Variants in ZNF782 observed in about 807,000 individuals in gnomAD.
ZNF782 encodes the protein zinc finger protein 782.
ZNF782 carries 12 observed loss-of-function variants against 13.0 expected under a neutral mutation model. That is an observed-to-expected ratio of 0.92 (90% confidence interval 0.59 to 1.50). The LOEUF (loss-of-function observed/expected upper bound fraction) is 1.50, where lower values mean the gene tolerates loss of function less well. ZNF782 is among the 40% of genes most tolerant of loss of function. ZNF782 has a pLI of 0.00. For synonymous variants in ZNF782, 284 were observed against 283.0 expected (o/e 1.00, Z -0.04); for missense variants, 770 against 822.9 (o/e 0.94, Z 0.79).
At position 96,819,521 on chromosome 9, in the gene ZNF782, A is replaced by G; in HGVS notation, c.502T>C (p.Cys168Arg). The G allele has an allele frequency of 6.2e-7, 1 of 1,613,108 alleles. No homozygotes were observed. Residue 168 changes from cysteine (C) to arginine (R), a missense_variant, in exon 6 of 6, where the codon TGT becomes CGT. Coordinates refer to ENST00000481138, the MANE Select transcript of ZNF782 (RefSeq NM_001001662.3). ...TTAATACTGATGAGCCATTTGTCAC[A>G]AACATTACGCTCATGAGCCTTTTCT... is the stretch of plus-strand genomic sequence containing the variant. ...SKEKAHERNV[C>R]DKWLISIKDG...
At chr9:96,883,515 A>G in the ZNF782 span, among the ~76,000 whole-genome samples, 85 of 152,210 alleles carry the variant, frequency 5.6e-4, no homozygotes, top group African/African-American at 2.0e-3. Flanking sequence ...CAGAGAGAGA[A>G]GGTTTAGACT....
the ZNF782 span, chr9:96,895,372 C>T: frequency 1.3e-5 from 2 of 152,138 alleles, no homozygotes; most frequent in East Asian, 1.9e-4. Context: ...CTTATCTGTT[C>T]TGTATAAAAA....
At chr9:96,896,422 G>C in the ZNF782 span, among the ~76,000 whole-genome samples, 1 of 152,154 alleles carries the variant, frequency 6.6e-6, no homozygotes, top group Admixed American at 6.5e-5. Flanking sequence ...GTAAGAAGTA[G>C]CAACTATTCT....
At chr9:96,909,597 T>C in the ZNF782 span, among the ~76,000 whole-genome samples, 21 of 151,466 alleles carry the variant, frequency 1.4e-4, no homozygotes, top group Admixed American at 5.9e-4. Flanking sequence ...TTCCTTCTCC[T>C]TTCCAGGTCT....
At chr9:96,907,150 G>A in the ZNF782 span, among the ~76,000 whole-genome samples, 3 of 151,952 alleles carry the variant, frequency 2.0e-5, no homozygotes, top group South Asian at 6.2e-4. Flanking sequence ...TAAACAAGAT[G>A]TTGTATACAC....
the ZNF782 span, among the ~76,000 whole-genome samples, chr9:96,927,579 GT>G: frequency 6.6e-6 from 1 of 152,174 alleles, no homozygotes; most frequent in Non-Finnish European, 1.5e-5. Flanking sequence ...ACAGTGGAGA[GT>G]TAACAATAAT....
rs978862617 is a variant in ZNF782 at position 96,850,868 on chromosome 9, C to A, written c.15+1079G>T. Among the ~76,000 whole-genome samples the A allele has an allele frequency of 2.0e-5, 3 of 152,058 alleles. No individual in the cohort carries two copies. The East Asian group carries it at 5.8e-4, about 29-fold the overall frequency. The stretch of plus-strand genomic sequence containing the variant: ...ACGTTTTGTATTAAAATTGAAAAAT[C>A]TTTCCAGTTTTAGTAAACATACAAT... On this transcript the variant is annotated intron_variant, in intron 3 of 5. Coordinates refer to ENST00000481138, the MANE Select transcript of ZNF782 (RefSeq NM_001001662.3). This position sits in a 1 kb window ranked among gnomAD's most constrained non-coding sequence, Gnocchi z 4.3.
chr9:96,886,526 A>G, the ZNF782 span, among the ~76,000 whole-genome samples: 155 of 152,326 alleles, frequency 1.0e-3, no homozygotes, highest in Non-Finnish European at 1.7e-3. Flanking sequence ...AAACCACACT[A>G]GAATTGGTTA....
chr9:96,855,054 G>A (rs895030664), upstream of ZNF782, among the ~76,000 whole-genome samples: 3 of 152,164 alleles, frequency 2.0e-5, no homozygotes, highest in African/African-American at 7.2e-5. Context: ...ATTGACCTGT[G>A]AGCCCTGTCC....
the ZNF782 span, among the ~76,000 whole-genome samples, chr9:96,930,254 G>A: frequency 6.6e-6 from 1 of 152,210 alleles, no homozygotes; most frequent in South Asian, 2.1e-4. Context: ...GCCGGGCGCG[G>A]TGGCTCACGC....
chr9:96,889,499 A>C, the ZNF782 span: 1 of 152,060 alleles, frequency 6.6e-6, no homozygotes. Flanking sequence ...TCCCGGGTTC[A>C]AGCGATTCTC....
chr9:96,910,325 G>C, the ZNF782 span: 1 of 585,742 alleles, frequency 1.7e-6, no homozygotes, highest in Non-Finnish European at 3.3e-6. Context: ...AGCTGAGTCT[G>C]CTACAGGCAA....
At chr9:96,826,981 A>T in intron 5 of ZNF782, 99 bp downstream of exon 5, 1 of 720,310 alleles carries the variant, frequency 1.4e-6, no homozygotes, top group Non-Finnish European at 2.1e-6. Context: ...GTATTTTTTC[A>T]GTGTATAAAT....
the ZNF782 span, among the ~76,000 whole-genome samples, chr9:96,883,902 C>G: frequency 6.6e-6 from 1 of 152,170 alleles, no homozygotes; most frequent in African/African-American, 2.4e-5. Flanking sequence ...CAGAAACCTC[C>G]AACCCAGAAC....
the ZNF782 span, among the ~76,000 whole-genome samples, chr9:96,925,408 C>T: frequency 1.6e-4 from 24 of 152,108 alleles, no homozygotes; most frequent in Admixed American, 5.9e-4. Flanking sequence ...GAGGCCGAGG[C>T]GGGTGGATCA....
chr9:96,910,162 T>C, the ZNF782 span: 1 of 836,272 alleles, frequency 1.2e-6, no homozygotes, highest in Admixed American at 1.8e-5. Flanking sequence ...AGGCGGAAAA[T>C]GGAAGAGACG....
At chr9:96,819,809 G>A (rs1334765845) in intron 5 of ZNF782, 31 bp from the exon 6 acceptor site, 3 of 1,501,142 alleles carry the variant, frequency 2.0e-6, no homozygotes, top group Non-Finnish European at 2.7e-6. Flanking sequence ...CAAACTTTAT[G>A]ATATTTAACA....
At chr9:96,883,479 A>C in the ZNF782 span, among the ~76,000 whole-genome samples, 1 of 152,108 alleles carries the variant, frequency 6.6e-6, no homozygotes, top group African/African-American at 2.4e-5. Context: ...AATGAAAATC[A>C]AGCAGGATAG....
Position 96,820,353 on chromosome 9 carries a change from T to C in ZNF782, c.245-575A>G, listed in dbSNP as rs55747556. 4.9e-3 allele frequency among the ~76,000 whole-genome samples: 750 copies of C among 152,300 alleles called. 3 individuals carry two copies. Among genetic ancestry groups the C allele is most frequent in the African/African-American group, 0.017 (700 of 41,582 alleles). On this transcript the variant is annotated intron_variant, in intron 5 of 5. Coordinates refer to ENST00000481138, the MANE Select transcript of ZNF782 (RefSeq NM_001001662.3). Reference sequence around the variant, plus strand: ...ATTTATAATGACACCAATTTCCTCATGTTAAAAGAAATACTACTATAGACA... The same window carrying C: ...ATTTATAATGACACCAATTTCCTCACGTTAAAAGAAATACTACTATAGACA...
Sources: gnomAD v4.1 joint callset for allele counts (sites outside exome capture counted in the v4.1 genomes callset) on GRCh38, gnomAD v4.1.1 for gene constraint, Gnocchi (gnomAD v3.1) non-coding constraint, MANE v1.5 for transcripts, NCBI Gene and HGNC (gene_info 2026-07-23, HGNC 2026-07-21) for gene names.